The following PRELID2 variants were observed in gnomAD, a reference collection of about 807,000 sequenced individuals.
PRELID2 encodes the protein PRELI domain-containing protein 2.
Under a neutral mutation model 28.4 loss-of-function variants are expected in PRELID2, and 25 were observed. The observed-to-expected ratio is 0.88, with a 90% CI of 0.64 to 1.23. PRELID2 has a LOEUF of 1.23. Ranked by LOEUF, PRELID2 falls within the 50% of genes most tolerant of loss-of-function variation. PRELID2 has a pLI of 0.00. For missense variants in PRELID2, 201 were observed against 214.4 expected (o/e 0.94, Z 0.39); for synonymous variants, 76 against 71.6 (o/e 1.06, Z -0.31).
intron 1 of PRELID2, among the ~76,000 whole-genome samples, chr5:145,659,421 A>C (rs1266173909): frequency 6.6e-6 from 1 of 152,234 alleles, no homozygotes; most frequent in Non-Finnish European, 1.5e-5. Context: ...CAGACTCAAC[A>C]AAAACTATCA....
chr5:145,751,683 C>T (rs759398883), downstream of PRELID2, among the ~76,000 whole-genome samples: 2 of 152,068 alleles, frequency 1.3e-5, no homozygotes, highest in Non-Finnish European at 2.9e-5. Context: ...ATTAATGCTC[C>T]AAAAGAAGAG....
intron 6 of PRELID2, among the ~76,000 whole-genome samples, chr5:145,761,177 CA>C (rs1395822086): frequency 6.6e-6 from 1 of 152,154 alleles, no homozygotes; most frequent in Non-Finnish European, 1.5e-5. Context: ...CAGATTTCTG[CA>C]AATCCCACAA....
the PRELID2 span, among the ~76,000 whole-genome samples, chr5:145,336,628 T>A: frequency 3.3e-5 from 5 of 152,136 alleles, no homozygotes; most frequent in Admixed American, 1.3e-4. Flanking sequence ...GTTCCATTGA[T>A]CTATGTCTCT....
chr5:145,307,063 C>A, the PRELID2 span, among the ~76,000 whole-genome samples: 6 of 152,158 alleles, frequency 3.9e-5, no homozygotes, highest in African/African-American at 1.4e-4. Flanking sequence ...TGGACCTGGT[C>A]AAAAATTGTC....
chr5:145,612,352 A>T (rs1218139129), intron 1 of PRELID2, among the ~76,000 whole-genome samples: 5 of 152,232 alleles, frequency 3.3e-5, no homozygotes, highest in African/African-American at 9.6e-5. Flanking sequence ...AACAAACCAC[A>T]GAATAGGAGA....
chr5:145,620,785 C>T (rs565236319), intron 1 of PRELID2, among the ~76,000 whole-genome samples: 3 of 151,790 alleles, frequency 2.0e-5, no homozygotes, highest in Admixed American at 1.3e-4. Context: ...CTACAGTGAG[C>T]CATGGCACAG....
chr5:145,711,496 G>T (rs1755694309), intron 1 of PRELID2, among the ~76,000 whole-genome samples: 1 of 152,102 alleles, frequency 6.6e-6, no homozygotes, highest in Non-Finnish European at 1.5e-5. Flanking sequence ...GCGCTATCAT[G>T]ACTGCTCAGT....
chr5:145,289,529 T>G, the PRELID2 span, among the ~76,000 whole-genome samples: 1 of 152,182 alleles, frequency 6.6e-6, no homozygotes, highest in Non-Finnish European at 1.5e-5. Context: ...TTCCAGTTTT[T>G]GGTGATTTTT....
chr5:145,586,349 T>C (rs1011448157), intron 1 of PRELID2, among the ~76,000 whole-genome samples: 1 of 151,992 alleles, frequency 6.6e-6, no homozygotes, highest in Non-Finnish European at 1.5e-5. Context: ...CAATATTCAT[T>C]AATAACATAA....
chr5:145,425,581 A>T, the PRELID2 span, among the ~76,000 whole-genome samples: 1 of 152,202 alleles, frequency 6.6e-6, no homozygotes, highest in African/African-American at 2.4e-5. Flanking sequence ...AGCCATAAAA[A>T]AGAACAAGAT....
At chr5:145,492,997 A>G (rs1752281214) in intron 1 of PRELID2, among the ~76,000 whole-genome samples, 1 of 140,556 alleles carries the variant, frequency 7.1e-6, no homozygotes, top group Non-Finnish European at 1.6e-5. Flanking sequence ...TCTTTGCCCC[A>G]AGCTGATGGT....
intron 1 of PRELID2, among the ~76,000 whole-genome samples, chr5:145,545,173 C>T (rs968312705): frequency 6.6e-6 from 1 of 152,134 alleles, no homozygotes; most frequent in East Asian, 1.9e-4. Context: ...AGAACACCTT[C>T]TCAATCCCTA....
At chr5:145,417,195 C>G in the PRELID2 span, among the ~76,000 whole-genome samples, 1 of 151,970 alleles carries the variant, frequency 6.6e-6, no homozygotes, top group African/African-American at 2.4e-5. Context: ...AAGTCTGAAC[C>G]AGGAAGAAAT....
intron 1 of PRELID2, among the ~76,000 whole-genome samples, chr5:145,621,168 GAAGCACATGA>G (rs2149651909): frequency 6.6e-6 from 1 of 152,286 alleles, no homozygotes; most frequent in East Asian, 1.9e-4. Flanking sequence ...AAATGGCTAA[GAAGCACATGA>G]AAAATTGTTT....
At chr5:145,367,079 G>T in the PRELID2 span, among the ~76,000 whole-genome samples, 1 of 151,732 alleles carries the variant, frequency 6.6e-6, no homozygotes, top group Non-Finnish European at 1.5e-5. Flanking sequence ...TTACCTCAAA[G>T]CTTTCCTCTA....
At chr5:145,390,462 G>A in the PRELID2 span, among the ~76,000 whole-genome samples, 6 of 152,222 alleles carry the variant, frequency 3.9e-5, no homozygotes, top group South Asian at 2.1e-4. Flanking sequence ...CAAGTGAAGC[G>A]GGGAAGCCCC....
At chr5:145,500,425 A>G (rs1752349577) in intron 1 of PRELID2, among the ~76,000 whole-genome samples, 1 of 115,956 alleles carries the variant, frequency 8.6e-6, no homozygotes, top group African/African-American at 2.6e-5. Context: ...AAGTGAGCCA[A>G]TTAAACCTCT....
At chr5:145,274,614 T>C in the PRELID2 span, among the ~76,000 whole-genome samples, 4 of 152,050 alleles carry the variant, frequency 2.6e-5, no homozygotes, top group African/African-American at 9.7e-5. Context: ...TAATAAATAA[T>C]GCTAGTAAAG....
chr5:145,741,224 ATAT>A (rs1425244444), intron 1 of PRELID2, among the ~76,000 whole-genome samples: 41 of 69,200 alleles, frequency 5.9e-4, no homozygotes, highest in Admixed American at 6.0e-4. Context: ...TAAAATATAT[ATAT>A]AATATATAAT....
Sources: gnomAD v4.1 joint callset for allele counts (sites outside exome capture counted in the v4.1 genomes callset) on GRCh38, gnomAD v4.1.1 for gene constraint, MANE v1.5 for transcripts, NCBI Gene and HGNC (gene_info 2026-07-23, HGNC 2026-07-21) for gene names.